B3GALT1: variants seen among roughly 807,000 people sequenced by gnomAD.
B3GALT1 encodes UDP-Gal:betaGlcNAc beta 1,3-galactosyltransferase, polypeptide 1.
Under a neutral mutation model 23.2 loss-of-function variants are expected in B3GALT1, and 10 were observed. That is an observed-to-expected ratio of 0.43 (90% CI 0.27 to 0.73). B3GALT1 has a LOEUF of 0.73. Among genes scored for constraint, B3GALT1 ranks in the 30% least tolerant of loss-of-function variants. The pLI is 0.21. For missense variants in B3GALT1, 299 were observed against 405.4 expected, an observed-to-expected ratio of 0.74 and a Z score of 2.25; for synonymous variants, 156 against 141.5, an observed-to-expected ratio of 1.10 and a Z score of -0.73.
chr2:167,613,072 G>T (rs1209162858), intron 2 of B3GALT1, among the ~76,000 whole-genome samples: 1 of 151,936 alleles, frequency 6.6e-6, no homozygotes, highest in East Asian at 1.9e-4. Flanking sequence ...AGAGGGAAAA[G>T]AATCAGAGCC....
intron 1 of B3GALT1, among the ~76,000 whole-genome samples, chr2:167,443,195 C>T (rs898799458): frequency 2.0e-5 from 3 of 151,602 alleles, no homozygotes; most frequent in African/African-American, 4.9e-5. Context: ...AGATATGCGG[C>T]GTTATTTCTG....
chr2:167,762,485 A>C (rs918418747), intron 3 of B3GALT1, among the ~76,000 whole-genome samples: 1 of 151,924 alleles, frequency 6.6e-6, no homozygotes, highest in Admixed American at 6.6e-5. Flanking sequence ...CTACCTCTGC[A>C]CTCAGGTCAA....
At chr2:167,468,400 G>C (rs1211761201) in intron 1 of B3GALT1, among the ~76,000 whole-genome samples, 1 of 151,942 alleles carries the variant, frequency 6.6e-6, no homozygotes, top group Non-Finnish European at 1.5e-5. Context: ...AATCATGGAA[G>C]ATTAAAAAGC....
chr2:167,459,644 T>G (rs556602186), intron 1 of B3GALT1, among the ~76,000 whole-genome samples: 34 of 152,336 alleles, frequency 2.2e-4, no homozygotes, highest in African/African-American at 8.2e-4. Flanking sequence ...CAAGTCATTA[T>G]TATAATAATA....
At chr2:167,758,364 C>A (rs2105294947) in intron 3 of B3GALT1, among the ~76,000 whole-genome samples, 1 of 152,278 alleles carries the variant, frequency 6.6e-6, no homozygotes, top group Non-Finnish European at 1.5e-5. Flanking sequence ...GCCCCGAATC[C>A]TCCCTGCCCC....
At chr2:167,439,781 T>C (rs925691171) in intron 1 of B3GALT1, among the ~76,000 whole-genome samples, 3 of 152,140 alleles carry the variant, frequency 2.0e-5, no homozygotes, top group African/African-American at 7.2e-5. Flanking sequence ...AGCAAATGTT[T>C]ATCTATTTCT....
rs532832039 is a variant in B3GALT1, at chr2:167,715,350, G to A, written c.-352+68384G>A. 2.3e-4 allele frequency: 366 copies of A among 1,613,886 alleles called. 8 individuals are homozygous for A. In the South Asian group the frequency reaches 3.8e-3, roughly 17 times the overall value. On this transcript the variant is annotated intron_variant, in intron 3 of 4. Coordinates refer to ENST00000392690, the MANE Select transcript of B3GALT1 (RefSeq NM_020981.4). Reference sequence around the variant, plus strand: ...TCAAATGTTATTTTCTGTTTATTAAGTTCAGTCACTTGTTCTTTCCATACT... The same window carrying A: ...TCAAATGTTATTTTCTGTTTATTAAATTCAGTCACTTGTTCTTTCCATACT...
chr2:167,739,128 A>G (rs912879122), intron 3 of B3GALT1, among the ~76,000 whole-genome samples: 7 of 152,160 alleles, frequency 4.6e-5, no homozygotes, highest in African/African-American at 1.7e-4. Flanking sequence ...AAGAATTGGA[A>G]TTGTGTAATG....
At chr2:167,411,458 TAAGAC>T (rs1246499095) in intron 1 of B3GALT1, among the ~76,000 whole-genome samples, 1 of 148,370 alleles carries the variant, frequency 6.7e-6, no homozygotes, top group African/African-American at 2.5e-5. Context: ...TTTCTCAAAA[TAAGAC>T]AGACAAATGG....
At position 167,835,249 on chromosome 2, in the gene B3GALT1, G is replaced by A. The variant is rs531140620; in HGVS notation, c.-230+16456G>A. 9.9e-5 allele frequency among the ~76,000 whole-genome samples: 15 copies of A among 151,328 alleles called. No individual in the cohort carries two copies. In the South Asian group the frequency reaches 2.3e-3, roughly 23 times the overall value. The stretch of plus-strand genomic sequence containing the variant: ...CGAGGCATTGCCTCACACAGGAAGC[G>A]CAAGGGGTCAGGGAGTTCCCTTTCC... On this transcript the variant is annotated intron_variant, in intron 4 of 4. Coordinates refer to ENST00000392690, the MANE Select transcript of B3GALT1 (RefSeq NM_020981.4).
chr2:167,427,831 A>C (rs2105305628), intron 1 of B3GALT1, among the ~76,000 whole-genome samples: 1 of 152,216 alleles, frequency 6.6e-6, no homozygotes, highest in East Asian at 1.9e-4. Context: ...TCTTCCTTGC[A>C]CCATGTTTCT....
At chr2:167,394,622 C>T (rs745725638) in intron 1 of B3GALT1, among the ~76,000 whole-genome samples, 2 of 151,952 alleles carry the variant, frequency 1.3e-5, no homozygotes, top group Non-Finnish European at 2.9e-5. Context: ...ACTTAAAAAG[C>T]ATTATTTTCC....
At chr2:167,420,402 AAAAATAAC>A (rs1698528473) in intron 1 of B3GALT1, among the ~76,000 whole-genome samples, 2 of 152,242 alleles carry the variant, frequency 1.3e-5, no homozygotes, top group Non-Finnish European at 2.9e-5. Context: ...TAGATGAACT[AAAAATAAC>A]CTGGGAGCTC....
chr2:167,724,981 GTTTTATTA>G (rs924231412), intron 3 of B3GALT1, among the ~76,000 whole-genome samples: 3 of 152,130 alleles, frequency 2.0e-5, no homozygotes, highest in Non-Finnish European at 2.9e-5. Flanking sequence ...GAGAACCCCA[GTTTTATTA>G]TTCAGAAATG....
intron 3 of B3GALT1, among the ~76,000 whole-genome samples, chr2:167,693,759 C>T (rs1686750399): frequency 6.6e-6 from 1 of 152,098 alleles, no homozygotes; most frequent in African/African-American, 2.4e-5. Context: ...ATGGTCTCTT[C>T]CCTGTTCTTC....
At chr2:167,627,940 C>T (rs1036910866) in intron 2 of B3GALT1, among the ~76,000 whole-genome samples, 1 of 151,518 alleles carries the variant, frequency 6.6e-6, no homozygotes, top group African/African-American at 2.4e-5. Flanking sequence ...ATTTGCATTC[C>T]TCTGCTGACT....
At position 167,872,236 on chromosome 2, in the gene B3GALT1, C is replaced by T. The variant is rs1265116810; in HGVS notation, c.*2216C>T. 6.7e-6 allele frequency: 1 copy of T among 149,984 alleles called. No individual in the cohort carries two copies. The highest frequency in any genetic ancestry group is 2.5e-5 in the African/African-American group (1 of 39,816). The allele number at this position is 149,984 out of a possible 1,614,324, so 9.3% of individuals were successfully genotyped here. ...TATTTTTTAACCTGACCCCTGGAGC[C>T]CCCCGTAGGAGTTGATAGCAAACAG... On this transcript the variant is annotated 3_prime_UTR_variant, in exon 5 of 5. Transcript: ENST00000392690.
At chr2:167,313,966 C>T (rs532261287) in intron 1 of B3GALT1, among the ~76,000 whole-genome samples, 48 of 152,064 alleles carry the variant, frequency 3.2e-4, no homozygotes, top group Non-Finnish European at 5.4e-4. Flanking sequence ...AATAGTAACG[C>T]AGGTTTGTCA....
intron 2 of B3GALT1, among the ~76,000 whole-genome samples, chr2:167,577,187 C>G (rs912094719): frequency 2.0e-5 from 3 of 151,740 alleles, no homozygotes; most frequent in African/African-American, 7.3e-5. Flanking sequence ...TATGAAATCC[C>G]CTTCTCTGTC....
Sources: gnomAD v4.1 joint callset for allele counts (sites outside exome capture counted in the v4.1 genomes callset) on GRCh38, gnomAD v4.1.1 for gene constraint, MANE v1.5 for transcripts, NCBI Gene and HGNC (gene_info 2026-07-23, HGNC 2026-07-21) for gene names.